OLFM2: variants seen among roughly 807,000 people sequenced by gnomAD.
OLFM2 encodes the protein olfactomedin 2.
A neutral mutation model predicts 43.9 loss-of-function variants in OLFM2; 20 were observed. That is an observed-to-expected ratio of 0.46 (90% CI 0.32 to 0.66). The LOEUF (loss-of-function observed/expected upper bound fraction) is 0.66, where lower values mean the gene tolerates loss of function less well. Among genes scored for constraint, OLFM2 ranks in the 30% least tolerant of loss-of-function variants. The pLI is 0.04. For synonymous variants in OLFM2, 268 were observed against 278.6 expected, an observed-to-expected ratio of 0.96 and a Z score of 0.38; for missense variants, 416 against 643.6, an observed-to-expected ratio of 0.65 and a Z score of 3.83.
At chr19:9,930,102 AG>A (rs1203192976) in intron 1 of OLFM2, among the ~76,000 whole-genome samples, 1 of 152,082 alleles carries the variant, frequency 6.6e-6, no homozygotes, top group Non-Finnish European at 1.5e-5. Context: ...ACATGGATAC[AG>A]TCACTGGTGT....
At chr19:9,900,137 G>A (rs1298463477) in intron 1 of OLFM2, among the ~76,000 whole-genome samples, 1 of 152,096 alleles carries the variant, frequency 6.6e-6, no homozygotes, top group Non-Finnish European at 1.5e-5. Flanking sequence ...CTACTTCCCT[G>A]GGCCGGTTAG....
chr19:9,892,655 T>A (rs1599484547), intron 1 of OLFM2, among the ~76,000 whole-genome samples: 1 of 152,098 alleles, frequency 6.6e-6, no homozygotes, highest in Admixed American at 6.6e-5. Flanking sequence ...ATGACGCCAC[T>A]GCACTCCAGC....
chr19:9,862,955 C>T (rs2046375050), intron 1 of OLFM2, among the ~76,000 whole-genome samples: 2 of 147,996 alleles, frequency 1.4e-5, no homozygotes, highest in Admixed American at 1.4e-4. Context: ...CACCACTTTA[C>T]TCCAGCCTGG....
intron 1 of OLFM2, among the ~76,000 whole-genome samples, chr19:9,930,903 G>A (rs1001122295): frequency 6.6e-6 from 1 of 151,896 alleles, no homozygotes; most frequent in Non-Finnish European, 1.5e-5. Flanking sequence ...TTGCACCCGC[G>A]GCGAGTATCT....
intron 1 of OLFM2, among the ~76,000 whole-genome samples, chr19:9,926,291 G>A (rs545968748): frequency 3.9e-5 from 6 of 152,224 alleles, no homozygotes; most frequent in East Asian, 1.9e-4. Flanking sequence ...GGTGGCTCAC[G>A]CCTGTAATTC....
chr19:9,892,117 G>A (rs747511456), intron 1 of OLFM2, among the ~76,000 whole-genome samples: 1 of 151,954 alleles, frequency 6.6e-6, no homozygotes, highest in African/African-American at 2.4e-5. Context: ...TGGTCTGTAC[G>A]TGTGTGTGCC....
Position 9,876,038 on chromosome 19 carries a change from TC to T in OLFM2, c.64-15245del, listed in dbSNP as rs563242423. The stretch of plus-strand genomic sequence containing the variant: ...AGAAGCTGTCTTCAGCGAGGTCATC[TC>T]CCCGCCACCGAGGTCCCTACTGCTG... On this transcript the variant is annotated intron_variant, in intron 1 of 5. Coordinates refer to ENST00000264833, the MANE Select transcript of OLFM2 (RefSeq NM_058164.4). Among the ~76,000 whole-genome samples, 39 of 151,810 alleles carry T rather than the reference TC, an allele frequency of 2.6e-4. No individual in the cohort carries two copies. The South Asian group carries it at 7.6e-3, about 29-fold the overall frequency.
intron 1 of OLFM2, among the ~76,000 whole-genome samples, chr19:9,888,453 G>GA (rs907120614): frequency 2.3e-4 from 35 of 150,492 alleles, no homozygotes; most frequent in African/African-American, 7.8e-4. Flanking sequence ...GAGCCTGGGG[G>GA]GCGGAGGTTG....
intron 2 of OLFM2, among the ~76,000 whole-genome samples, chr19:9,859,573 G>A (rs567978125): frequency 1.2e-4 from 19 of 152,202 alleles, no homozygotes; most frequent in Admixed American, 8.5e-4. Flanking sequence ...GATTACAGGC[G>A]TGAGCTACCA....
intron 1 of OLFM2, among the ~76,000 whole-genome samples, chr19:9,909,650 C>A (rs191687634): frequency 6.6e-6 from 1 of 152,274 alleles, no homozygotes; most frequent in African/African-American, 2.4e-5. Flanking sequence ...CTTTGGGAAT[C>A]CATACTGCTT....
At chr19:9,906,541 G>A (rs1021238945) in intron 1 of OLFM2, among the ~76,000 whole-genome samples, 1 of 152,066 alleles carries the variant, frequency 6.6e-6, no homozygotes, top group African/African-American at 2.4e-5. Flanking sequence ...GGACAAGCGG[G>A]AAGGCTCAGA....
chr19:9,860,708 G>T lies in OLFM2; in HGVS notation c.150C>A (p.Ile50=). Residue 50 remains isoleucine, a synonymous_variant, in exon 2 of 6, where the codon ATC becomes ATA. Coordinates refer to ENST00000264833, the MANE Select transcript of OLFM2 (RefSeq NM_058164.4). The stretch of plus-strand genomic sequence containing the variant: ...CTCGAGAGCAGGTACTCTGCGCTGG[G>T]ATCACGGCCGTGCAGATGCATTTCC... ...PDGKCICTAV[I]PAQSTCSRDG... The T allele has an allele frequency of 6.2e-7, 1 of 1,606,074 alleles. No homozygotes were observed. Among genetic ancestry groups the T allele is most frequent in the Non-Finnish European group, 8.5e-7 (1 of 1,176,352 alleles).
intron 1 of OLFM2, among the ~76,000 whole-genome samples, chr19:9,870,061 T>C (rs2046430707): frequency 6.6e-6 from 1 of 151,844 alleles, no homozygotes; most frequent in Non-Finnish European, 1.5e-5. Flanking sequence ...CCTGGTTAAT[T>C]AAAAAAAAAT....
In OLFM2 at chr19:9,860,742, G is replaced by T. The variant is rs756649250; in HGVS notation, c.116C>A (p.Ala39Asp). Residue 39 changes from alanine to aspartate, a missense_variant, in exon 2 of 6, where the codon GCC (alanine) becomes GAC (aspartate). Transcript: ENST00000264833. ...EGWQLYTSAQ[A>D]PDGKCICTAV... is the part of the protein sequence containing the mutation. ...CGTGCAGATGCATTTCCCGTCAGGGGCCTGGGCTGAGGTGTACAGCTGCCA... is the reference window on the plus strand; with the variant it reads ...CGTGCAGATGCATTTCCCGTCAGGGTCCTGGGCTGAGGTGTACAGCTGCCA... 3.7e-6 allele frequency: 6 copies of T among 1,609,414 alleles called. No homozygotes were observed. The African/African-American group carries it at 8.0e-5, about 21-fold the overall frequency.
At chr19:9,880,756 G>A (rs2046532990) in intron 1 of OLFM2, among the ~76,000 whole-genome samples, 1 of 152,136 alleles carries the variant, frequency 6.6e-6, no homozygotes, top group Non-Finnish European at 1.5e-5. Context: ...AAGCCTCTAG[G>A]ATTGTGAGAA....
chr19:9,919,856 G>A (rs1022613020), intron 1 of OLFM2, among the ~76,000 whole-genome samples: 1 of 142,470 alleles, frequency 7.0e-6, no homozygotes, highest in Non-Finnish European at 1.5e-5. Context: ...GTGCAGTGGT[G>A]AGAGCTCGGC....
rs35204759 is a variant in OLFM2, at chr19:9,870,070, A to AT, written c.64-9277dup. On this transcript the variant is annotated intron_variant, in intron 1 of 5. Coordinates refer to ENST00000264833, the MANE Select transcript of OLFM2 (RefSeq NM_058164.4). Reference sequence around the variant, plus strand: ...ACTGCACCTGGTTAATTAAAAAAAAATTTTTTTTTTGTAGAGGTGGAGTCT... The same window carrying AT: ...ACTGCACCTGGTTAATTAAAAAAAAATTTTTTTTTTTGTAGAGGTGGAGTCT... Among the ~76,000 whole-genome samples, 21 of 150,032 alleles carry AT rather than the reference A, an allele frequency of 1.4e-4. No homozygotes were observed. In the South Asian group the frequency reaches 2.8e-3, roughly 20 times the overall value.
chr19:9,866,265 G>T (rs966905136), intron 1 of OLFM2, among the ~76,000 whole-genome samples: 2 of 152,110 alleles, frequency 1.3e-5, no homozygotes, highest in African/African-American at 4.8e-5. Context: ...GGAACCGCTG[G>T]AATGTTCTGG....
chr19:9,917,556 C>T (rs769364527), intron 1 of OLFM2, among the ~76,000 whole-genome samples: 3 of 152,114 alleles, frequency 2.0e-5, no homozygotes, highest in Non-Finnish European at 4.4e-5. Context: ...TGTTTTCTGA[C>T]AGTGGCTACA....
Sources: gnomAD v4.1 joint callset for allele counts (sites outside exome capture counted in the v4.1 genomes callset) on GRCh38, gnomAD v4.1.1 for gene constraint, MANE v1.5 for transcripts, NCBI Gene and HGNC (gene_info 2026-07-23, HGNC 2026-07-21) for gene names.